NLRC5: variants seen among roughly 807,000 people sequenced by gnomAD.
NLRC5 encodes protein NLRC5.
A neutral mutation model predicts 206.9 loss-of-function variants in NLRC5; 114 were observed. That is an observed-to-expected ratio of 0.55 (90% CI 0.47 to 0.64). The LOEUF is 0.64. Among genes scored for constraint, NLRC5 ranks in the 30% least tolerant of loss-of-function variants. The probability of loss-of-function intolerance (pLI) is 0.00; values close to 1 mark genes in which losing one functional copy is unlikely to be tolerated. For synonymous variants in NLRC5, 952 were observed against 962.8 expected (o/e 0.99, Z 0.21); for missense variants, 2,008 against 2,305.5 (o/e 0.87, Z 2.64).
chr16:57,023,282 G>T (rs12444396), intron 4 of NLRC5, among the ~76,000 whole-genome samples: 3 of 152,026 alleles, frequency 2.0e-5, no homozygotes, highest in African/African-American at 2.4e-5. Context: ...AGTGATTGTT[G>T]AAAATCCATA....
chr16:57,049,107 T>TA (rs572162331), intron 23 of NLRC5, among the ~76,000 whole-genome samples: 9,079 of 141,652 alleles, frequency 0.064, 290 homozygotes, highest in Non-Finnish European at 0.071. Flanking sequence ...GCTGATGTGC[T>TA]AAAAAAAAAA....
At chr16:57,028,508 A>T in intron 8 of NLRC5, 123 bp downstream of exon 8, 1 of 748,438 alleles carries the variant, frequency 1.3e-6, no homozygotes, top group Non-Finnish European at 2.3e-6. Context: ...AGACCCAGAG[A>T]GGGAAGGCAT....
chr16:57,025,216 T>A (rs2061156217), intron 5 of NLRC5, 152 bp from the exon 6 acceptor site: 1 of 1,317,786 alleles, frequency 7.6e-7, no homozygotes, highest in Admixed American at 2.7e-5. Flanking sequence ...GTGGCACAGA[T>A]CCCCCTATGG....
intron 1 of NLRC5, chr16:57,013,312 G>A: frequency 1.6e-6 from 1 of 623,204 alleles, no homozygotes; most frequent in Non-Finnish European, 3.0e-6. Flanking sequence ...TAAGCTGACG[G>A]TCATAATGAC....
Position 57,022,284 on chromosome 16 carries a change from G to A in NLRC5, c.324G>A (p.Gly108=). ...DGFTSQLGAE[G]KSQPESQLHH... ...TCACCAGCCAGCTGGGAGCTGAGGG[G>A]AAAAGCCAACCTGAATCTCAGCTCC... Residue 108 remains glycine (G), a synonymous_variant, in exon 4 of 49, where the codon GGG becomes GGA. Coordinates refer to ENST00000688547, the MANE Select transcript of NLRC5 (RefSeq NM_001384950.1). 6.2e-7 allele frequency: 1 copy of A among 1,612,102 alleles called. No homozygotes were observed. Among genetic ancestry groups the A allele is most frequent in the Non-Finnish European group, 8.5e-7 (1 of 1,178,364 alleles).
At chr16:57,045,413 C>T in intron 20 of NLRC5, 35 bp from the exon 21 acceptor site, 1 of 1,613,566 alleles carries the variant, frequency 6.2e-7, no homozygotes, top group Admixed American at 1.7e-5. Context: ...TGGTCTTTGA[C>T]CATTTTCAAA....
At position 57,046,614 on chromosome 16, in the gene NLRC5, G is replaced by A. The variant is rs61735909; in HGVS notation, c.3311G>A (p.Arg1104His). 5.8e-4 allele frequency: 936 copies of A among 1,614,028 alleles called. 7 individuals are homozygous for A. In the African/African-American group the frequency reaches 0.012, roughly 20 times the overall value. The change falls in exon 22 of 49, where the codon CGT (arginine) becomes CAT (histidine). Residue 1104 changes from arginine (R) to histidine (H), a missense_variant. Arg to His is a conservative substitution (Grantham distance 29). Coordinates refer to ENST00000688547, the MANE Select transcript of NLRC5 (RefSeq NM_001384950.1). Reference protein sequence around the residue: ...FPAAAKFLGFRQRCIPRSLCL... With the variant: ...FPAAAKFLGFHQRCIPRSLCL... ...GCTGCAGCCAAGTTCTTAGGGTTCC[G>A]TCAGCGCTGCATCCCCAGGAGCCTC...
chr16:57,065,798 A>G (rs1483014791), intron 33 of NLRC5, among the ~76,000 whole-genome samples: 3 of 152,178 alleles, frequency 2.0e-5, no homozygotes, highest in Non-Finnish European at 4.4e-5. Context: ...CAGGGCTGGG[A>G]GGATTACAAG....
intron 4 of NLRC5, 93 bp downstream of exon 4, chr16:57,022,408 TG>T: frequency 9.2e-7 from 1 of 1,087,292 alleles, no homozygotes; most frequent in Non-Finnish European, 1.4e-6. Flanking sequence ...CTGTGGTGGC[TG>T]GTCACAGCCA....
In NLRC5 at chr16:57,051,582, T is replaced by A. The variant is rs759795016; in HGVS notation, c.3467T>A (p.Leu1156Gln). Residue 1156 changes from leucine to glutamine, a missense_variant, in exon 24 of 49, where the codon CTG (leucine) becomes CAG (glutamine). Physicochemically the swap from Leu to Gln is moderately radical, Grantham distance 113. Transcript: ENST00000688547. ...AGTGACCAGAGCCTGGAGACTCTAC[T>A]GGACTGCTTACCTCAACTCCCTCAG... ...FLSDQSLETL[L>Q]DCLPQLPQLS... 3 of 1,614,038 alleles carry A rather than the reference T, an allele frequency of 1.9e-6. No individual in the cohort carries two copies. In the African/African-American group the frequency reaches 4.0e-5, roughly 22 times the overall value.
chr16:57,023,328 T>A (rs2142989206), intron 4 of NLRC5, among the ~76,000 whole-genome samples: 1 of 152,056 alleles, frequency 6.6e-6, no homozygotes, highest in East Asian at 1.9e-4. Flanking sequence ...TTAAGGGAAG[T>A]GAGGAAATGT....
intron 1 of NLRC5, among the ~76,000 whole-genome samples, chr16:57,007,692 G>C (rs937636391): frequency 4.6e-5 from 7 of 152,168 alleles, no homozygotes; most frequent in Non-Finnish European, 1.0e-4. Flanking sequence ...TCGTGCCACT[G>C]TACTCCAGCC....
At chr16:57,073,446 C>T (rs1048906219) in intron 38 of NLRC5, among the ~76,000 whole-genome samples, 1 of 152,154 alleles carries the variant, frequency 6.6e-6, no homozygotes, top group African/African-American at 2.4e-5. Flanking sequence ...AGCCTCACTG[C>T]CTGGGTTCAA....
Position 57,058,129 on chromosome 16 carries a change from C to G in NLRC5, c.3811C>G (p.Pro1271Ala), listed in dbSNP as rs2144557445. ...RCLLECLPQV[P>A]ISGLLDLSHN... is the part of the protein sequence containing the mutation. ...CCTTCTGGAATGTCTGCCGCAGGTG[C>G]CCATCTCCGGTTTGCTTGAGTAAGT... The change falls in exon 28 of 49, where the codon CCC becomes GCC. Residue 1271 changes from proline to alanine, a missense_variant. Coordinates refer to ENST00000688547, the MANE Select transcript of NLRC5 (RefSeq NM_001384950.1). 6.2e-7 allele frequency: 1 copy of G among 1,609,470 alleles called. No individual in the cohort carries two copies. Among genetic ancestry groups the G allele is most frequent in the South Asian group, 1.1e-5 (1 of 90,138 alleles).
chr16:57,022,442 G>T (rs868166845), intron 4 of NLRC5, 127 bp downstream of exon 4: 1 of 788,258 alleles, frequency 1.3e-6, no homozygotes, highest in Non-Finnish European at 2.1e-6. Flanking sequence ...CATGCTCTTC[G>T]TCTGTCCCTG....
At chr16:57,048,483 A>G (rs1319478013) in intron 23 of NLRC5, 2 of 151,898 alleles carry the variant, frequency 1.3e-5, no homozygotes, top group Admixed American at 1.3e-4. Flanking sequence ...TGGCCTTCCC[A>G]TGTCCTTCTC....
chr16:57,070,105 G>T (rs192582459), intron 37 of NLRC5, among the ~76,000 whole-genome samples, 186 bp downstream of exon 37: 1 of 152,178 alleles, frequency 6.6e-6, no homozygotes, highest in Admixed American at 6.5e-5. Context: ...TCTGAATTTC[G>T]CCACTGACTC....
intron 1 of NLRC5, chr16:57,013,270 T>C (rs1597146564): frequency 8.8e-6 from 5 of 570,862 alleles, no homozygotes; most frequent in Non-Finnish European, 1.7e-5. Flanking sequence ...GATTTTGAGC[T>C]ATAACTGTAG....
chr16:57,043,681 G>T (rs2063568124), intron 20 of NLRC5, 77 bp downstream of exon 20: 12 of 1,162,058 alleles, frequency 1.0e-5, no homozygotes, highest in African/African-American at 1.5e-5. Flanking sequence ...TGGGCCCCTT[G>T]TCCACCAGTT....
Sources: allele counts gnomAD v4.1 joint callset (sites outside exome capture counted in the v4.1 genomes callset), GRCh38; gene constraint gnomAD v4.1.1; transcripts MANE v1.5; gene names NCBI Gene and HGNC (gene_info 2026-07-23, HGNC 2026-07-21).